GRM7: variants seen among roughly 807,000 people sequenced by gnomAD.
GRM7 encodes metabotropic glutamate receptor 7.
GRM7 carries 35 observed loss-of-function variants against 84.5 expected under a neutral mutation model. The observed-to-expected ratio is 0.41, with a 90% CI of 0.32 to 0.55. GRM7 has a LOEUF of 0.55. Among genes scored for constraint, GRM7 ranks in the 20% least tolerant of loss-of-function variants. GRM7 has a pLI of 0.19. For missense variants in GRM7, 1,003 were observed against 1,194.6 expected (o/e 0.84, Z 2.36); for synonymous variants, 487 against 455.1 (o/e 1.07, Z -0.89).
At chr3:7,538,485 A>T (rs2125012900) in intron 7 of GRM7, among the ~76,000 whole-genome samples, 1 of 152,340 alleles carries the variant, frequency 6.6e-6, no homozygotes, top group East Asian at 1.9e-4. Context: ...GCTACAAACA[A>T]CCATACCAGG....
intron 8 of GRM7, among the ~76,000 whole-genome samples, chr3:7,670,381 C>T (rs1300695099): frequency 1.3e-5 from 2 of 152,092 alleles, no homozygotes; most frequent in African/African-American, 2.4e-5. Context: ...GGGATGAATC[C>T]GATCATCAAA....
intron 1 of GRM7, among the ~76,000 whole-genome samples, chr3:7,016,884 A>G (rs919111029): frequency 6.6e-6 from 1 of 152,172 alleles, no homozygotes; most frequent in African/African-American, 2.4e-5. Flanking sequence ...AGACTCTGGC[A>G]ATTGCAATTT....
chr3:7,510,875 G>A (rs542384720), intron 7 of GRM7, among the ~76,000 whole-genome samples: 5 of 152,196 alleles, frequency 3.3e-5, no homozygotes, highest in East Asian at 1.9e-4. Context: ...GTGTTTGCGC[G>A]GCAGTGGCAG....
chr3:6,927,495 AAGAAAGAAAGAAAGAAAGAAAG>A (rs1559333423), intron 1 of GRM7, among the ~76,000 whole-genome samples: 4 of 146,544 alleles, frequency 2.7e-5, no homozygotes, highest in African/African-American at 9.9e-5. Context: ...GAAAGAAAGA[AAGAAAGAAAGAAAGAAAGAAAG>A]AAGAGAAAAG....
chr3:7,064,203 T>A (rs1697537479), intron 1 of GRM7, among the ~76,000 whole-genome samples: 1 of 151,068 alleles, frequency 6.6e-6, no homozygotes, highest in African/African-American at 2.4e-5. Context: ...CTATACACTA[T>A]ACTATATTTA....
intron 1 of GRM7, among the ~76,000 whole-genome samples, chr3:6,960,664 C>A (rs1693261165): frequency 6.6e-6 from 1 of 152,172 alleles, no homozygotes; most frequent in African/African-American, 2.4e-5. Context: ...TGCAGTCTGT[C>A]ATTAGCAAAA....
intron 8 of GRM7, among the ~76,000 whole-genome samples, chr3:7,677,261 TTAAA>T (rs1346842861): frequency 1.9e-5 from 2 of 103,402 alleles, no homozygotes; most frequent in Non-Finnish European, 3.5e-5. Context: ...GACTCTGTCT[TTAAA>T]AAAAAAAAAA....
At chr3:7,117,806 G>A (rs761705549) in intron 1 of GRM7, among the ~76,000 whole-genome samples, 3 of 152,144 alleles carry the variant, frequency 2.0e-5, no homozygotes, top group Non-Finnish European at 2.9e-5. Flanking sequence ...ACACATTTGT[G>A]GTAAAGATTA....
intron 2 of GRM7, among the ~76,000 whole-genome samples, chr3:7,222,988 T>C (rs1260187339): frequency 6.6e-6 from 1 of 152,208 alleles, no homozygotes; most frequent in Non-Finnish European, 1.5e-5. Flanking sequence ...TTCTTTCTCA[T>C]ATTTTGATTC....
intron 8 of GRM7, among the ~76,000 whole-genome samples, chr3:7,612,431 G>T (rs1166105670): frequency 6.6e-6 from 1 of 152,174 alleles, no homozygotes; most frequent in Non-Finnish European, 1.5e-5. Flanking sequence ...CTTTGAGGAG[G>T]AAACTCTGAG....
chr3:7,517,094 C>T (rs1414690562), intron 7 of GRM7, among the ~76,000 whole-genome samples: 5 of 152,106 alleles, frequency 3.3e-5, no homozygotes, highest in African/African-American at 1.2e-4. Flanking sequence ...CTCTTGGAAT[C>T]ATGTTCACGA....
intron 1 of GRM7, among the ~76,000 whole-genome samples, chr3:7,023,035 GA>G (rs34809735): frequency 0.42 from 62,987 of 151,728 alleles, 13,946 homozygotes; most frequent in South Asian, 0.54. Context: ...AGGGAGAATG[GA>G]TGGACATGGG....
chr3:7,637,309 T>C lies in GRM7; in HGVS notation c.2452-42740T>C, dbSNP rs116932982. Among the ~76,000 whole-genome samples the C allele has an allele frequency of 1.8e-3, 275 of 152,264 alleles. 6 individuals are homozygous for C. The East Asian group carries it at 0.048, about 27-fold the overall frequency. On this transcript the variant is annotated intron_variant, in intron 8 of 9. Transcript: ENST00000357716. Reference sequence around the variant, plus strand: ...TAGACATGAGCCACCATGCTCACTTTAAACAGCATCCAAACTCCTGAAAGA... The same window carrying C: ...TAGACATGAGCCACCATGCTCACTTCAAACAGCATCCAAACTCCTGAAAGA...
intron 4 of GRM7, among the ~76,000 whole-genome samples, chr3:7,313,618 T>A (rs202041714): frequency 6.8e-4 from 103 of 152,250 alleles, no homozygotes; most frequent in African/African-American, 2.3e-3. Context: ...ATGATTTTTT[T>A]AAAAATAAGG....
At chr3:6,922,234 T>C (rs1202785324) in intron 1 of GRM7, among the ~76,000 whole-genome samples, 4 of 152,228 alleles carry the variant, frequency 2.6e-5, no homozygotes, top group African/African-American at 9.6e-5. Flanking sequence ...ACTTTTTCTC[T>C]TGAAGTCTGA....
intron 4 of GRM7, among the ~76,000 whole-genome samples, chr3:7,344,278 T>C (rs1316761641): frequency 1.3e-5 from 2 of 152,138 alleles, no homozygotes; most frequent in Non-Finnish European, 2.9e-5. Flanking sequence ...TAGTGTGTGT[T>C]GTTACCCTCT....
chr3:7,736,607 G>C (rs1446243847), intron 9 of GRM7, among the ~76,000 whole-genome samples: 1 of 152,128 alleles, frequency 6.6e-6, no homozygotes, highest in Non-Finnish European at 1.5e-5. Flanking sequence ...CAACACTGTA[G>C]TAGCAAGAGC....
chr3:7,341,502 G>A (rs1036626348), intron 4 of GRM7, among the ~76,000 whole-genome samples: 4 of 151,558 alleles, frequency 2.6e-5, no homozygotes, highest in Non-Finnish European at 4.4e-5. Flanking sequence ...TCCCACACAC[G>A]GCCTGACTCA....
intron 1 of GRM7, among the ~76,000 whole-genome samples, chr3:7,098,814 C>T (rs775665074): frequency 3.3e-5 from 5 of 151,814 alleles, no homozygotes; most frequent in Admixed American, 6.6e-5. Context: ...TCAGGTTATG[C>T]GTCTGATGCA....
Sources: allele counts gnomAD v4.1 joint callset (sites outside exome capture counted in the v4.1 genomes callset), GRCh38; gene constraint gnomAD v4.1.1; transcripts MANE v1.5; gene names NCBI Gene and HGNC (gene_info 2026-07-23, HGNC 2026-07-21).